Variants in CHID1 observed in about 807,000 individuals in gnomAD.
The protein encoded by CHID1 is chitinase domain containing 1.
In CHID1, 44 loss-of-function variants were observed where a neutral mutation model predicts 55.4. The ratio of observed to expected loss-of-function variants is 0.79; its 90% CI spans 0.62 to 1.02. CHID1 has a LOEUF of 1.02. Ranked by LOEUF, CHID1 falls within the 50% of genes least tolerant of loss-of-function variation. CHID1 has a pLI of 0.00. For synonymous variants in CHID1, 216 were observed against 212.9 expected (o/e 1.01, Z -0.13); for missense variants, 491 against 515.3 (o/e 0.95, Z 0.46).
chr11:896,903 AG>A (rs1851360438), intron 7 of CHID1, among the ~76,000 whole-genome samples: 5 of 78,098 alleles, frequency 6.4e-5, no homozygotes, highest in African/African-American at 2.6e-4. Context: ...CAGCACCCCC[AG>A]CCTCCACCCC....
intron 8 of CHID1, 36 bp downstream of exon 8, chr11:893,391 C>A (rs1284401068): frequency 6.6e-7 from 1 of 1,525,922 alleles, no homozygotes; most frequent in Admixed American, 2.0e-5. Flanking sequence ...CCAGAGCCCT[C>A]CACAGCCACC....
intron 1 of CHID1, among the ~76,000 whole-genome samples, chr11:906,573 C>T (rs1852231394): frequency 6.6e-6 from 1 of 152,090 alleles, no homozygotes; most frequent in Admixed American, 6.6e-5. Context: ...CTGGCTCTCC[C>T]AGATGCTGGA....
chr11:904,566 C>G, intron 2 of CHID1, 140 bp downstream of exon 2: 1 of 912,136 alleles, frequency 1.1e-6, no homozygotes. Context: ...CACCCACCGG[C>G]TGCGGGCTCA....
chr11:882,102 G>A (rs549909994), intron 10 of CHID1, among the ~76,000 whole-genome samples: 81 of 152,224 alleles, frequency 5.3e-4, no homozygotes, highest in Admixed American at 5.2e-4. Context: ...CAAGGTGGGC[G>A]GATCATGAGG....
Position 869,739 on chromosome 11 carries a change from G to T in CHID1, c.*119C>A. The T allele has an allele frequency of 1.1e-6, 1 of 879,858 alleles. No homozygotes were observed. The highest frequency in any genetic ancestry group is 1.5e-5 in the South Asian group (1 of 67,200). 54.5% of individuals were successfully genotyped at this position (879,858 alleles called of 1,614,324 possible). A position where few individuals can be genotyped will look rare whatever the true frequency, so the allele number is the denominator to read the frequency against. ...GAGTCACATGGTGCCCAGGACCCCC[G>T]ACTGAGGACTGCAGCAGACCCGTCA... On this transcript the variant is annotated 3_prime_UTR_variant, in exon 13 of 13. Coordinates refer to ENST00000323578, the MANE Select transcript of CHID1 (RefSeq NM_023947.4).
At chr11:887,711 C>CCG (rs1483504747) in intron 8 of CHID1, among the ~76,000 whole-genome samples, 1 of 152,204 alleles carries the variant, frequency 6.6e-6, no homozygotes, top group Non-Finnish European at 1.5e-5. Context: ...TCCAAGCACC[C>CCG]CGTCCCGCTT....
intron 1 of CHID1, among the ~76,000 whole-genome samples, chr11:906,637 A>T (rs1852237746): frequency 6.6e-6 from 1 of 152,218 alleles, no homozygotes; most frequent in African/African-American, 2.4e-5. Flanking sequence ...AGACGCTACA[A>T]GACAGAACTT....
rs3934523 is a variant in CHID1, at chr11:902,220, C to T, written c.372G>A (p.Thr124=). The T allele has an allele frequency of 1.7e-5, 28 of 1,613,938 alleles. No individual in the cohort carries two copies. The highest frequency in any genetic ancestry group is 1.5e-4 in the African/African-American group (11 of 75,010). The change falls in exon 4 of 13, where the codon ACG becomes ACA. Residue 124 remains threonine (T), a synonymous_variant. Coordinates refer to ENST00000323578, the MANE Select transcript of CHID1 (RefSeq NM_023947.4). Reference sequence around the variant, plus strand: ...AACCTTGGTCCACGTCGTGGAGGCCCGTGACCTCAAACATCTCACGGCCAC... The same window carrying T: ...AACCTTGGTCCACGTCGTGGAGGCCTGTGACCTCAAACATCTCACGGCCAC... ...KRRGREMFEV[T]GLHDVDQGWM...
chr11:904,724 T>C lies in CHID1; in HGVS notation c.93A>G (p.Ser31=), dbSNP rs1385162922. The C allele has an allele frequency of 1.2e-6, 2 of 1,614,014 alleles. No homozygotes were observed. The highest frequency in any genetic ancestry group is 1.1e-5 in the South Asian group (1 of 91,094). ...LSKSDAKKAA[S]KTLLEKSQFS... ...CCCTTACCTTCTCCAGCAGCGTCTT[T>C]GAGGCGGCTTTTTTGGCATCTGACT... Residue 31 remains serine (S), a synonymous_variant, in exon 2 of 13, where the codon TCA becomes TCG. Transcript: ENST00000323578.
At chr11:905,422 C>T (rs1246371386) in intron 1 of CHID1, among the ~76,000 whole-genome samples, 2 of 152,218 alleles carry the variant, frequency 1.3e-5, no homozygotes, top group Non-Finnish European at 2.9e-5. Flanking sequence ...AATCCCAACA[C>T]TTAATGGGAG....
At chr11:902,677 T>G (rs1851907225) in intron 3 of CHID1, among the ~76,000 whole-genome samples, 2 of 150,526 alleles carry the variant, frequency 1.3e-5, no homozygotes, top group African/African-American at 4.9e-5. Flanking sequence ...CAGGGTTGGC[T>G]CTGCACATCC....
intron 10 of CHID1, among the ~76,000 whole-genome samples, chr11:876,222 A>T (rs1266341031): frequency 6.6e-6 from 1 of 152,154 alleles, no homozygotes; most frequent in Non-Finnish European, 1.5e-5. Context: ...ACAGATAGGG[A>T]GGACCCACAG....
At chr11:873,380 G>A (rs573177065) in intron 10 of CHID1, among the ~76,000 whole-genome samples, 1 of 152,274 alleles carries the variant, frequency 6.6e-6, no homozygotes, top group African/African-American at 2.4e-5. Context: ...AGCATGGCTG[G>A]TGTGATGGAC....
Position 902,045 on chromosome 11 carries a change from A to C in CHID1, c.394+153T>G, listed in dbSNP as rs527241105. ...TCATCAGTCTCACACTTACACACTCACATTCACACTTAAATCACGCAGAGA... is the reference window on the plus strand; with the variant it reads ...TCATCAGTCTCACACTTACACACTCCCATTCACACTTAAATCACGCAGAGA... On this transcript the variant is annotated intron_variant, in intron 4 of 12. Transcript: ENST00000323578. The C allele has an allele frequency of 9.1e-6, 7 of 771,940 alleles. No individual in the cohort carries two copies. The Admixed American group carries it at 1.7e-4, about 19-fold the overall frequency. The allele number at this position is 771,940 out of a possible 1,614,324, so 47.8% of individuals were successfully genotyped here. A position where few individuals can be genotyped will look rare whatever the true frequency, so the allele number is the denominator to read the frequency against.
intron 8 of CHID1, among the ~76,000 whole-genome samples, chr11:886,190 T>C (rs1015983907): frequency 3.5e-5 from 5 of 141,856 alleles, no homozygotes; most frequent in African/African-American, 1.3e-4. Context: ...CGGGGTGTGA[T>C]GGCTCACACC....
Position 875,259 on chromosome 11 carries a change from C to T in CHID1, c.960-4760G>A, listed in dbSNP as rs1181846137. Among the ~76,000 whole-genome samples, 1 of 152,262 alleles carries T rather than the reference C, an allele frequency of 6.6e-6. No homozygotes were observed. The highest frequency in any genetic ancestry group is 1.5e-5 in the Non-Finnish European group (1 of 68,040). On this transcript the variant is annotated intron_variant, in intron 10 of 12. Coordinates refer to ENST00000323578, the MANE Select transcript of CHID1 (RefSeq NM_023947.4). The surrounding 1 kb of genome is among the most constrained non-coding windows in gnomAD (Gnocchi z 4.7). ...TTGCCTCTCAGAGCTTGAGTTCAAC[C>T]AGACAGCCCTCCTCGGTGGGTGGCC...
chr11:910,793 G>A lies in CHID1; in HGVS notation c.-62C>T, dbSNP rs368780722. The A allele has an allele frequency of 3.7e-5, 42 of 1,120,044 alleles. No homozygotes were observed. In the South Asian group the frequency reaches 6.1e-4, roughly 16 times the overall value. The allele number at this position is 1,120,044 out of a possible 1,614,324, so 69.4% of individuals were successfully genotyped here. A position where few individuals can be genotyped will look rare whatever the true frequency, so the allele number is the denominator to read the frequency against. On this transcript the variant is annotated 5_prime_UTR_variant, in exon 1 of 13. Transcript: ENST00000323578. ...GGCTCACCTGCATGTCAGGGAGGCCGGACGGCCACAAACGCACGGCCGGAA... is the reference window on the plus strand; with the variant it reads ...GGCTCACCTGCATGTCAGGGAGGCCAGACGGCCACAAACGCACGGCCGGAA...
Position 883,299 on chromosome 11 carries a change from C to G in CHID1, c.808G>C (p.Gly270Arg). The G allele has an allele frequency of 1.2e-6, 2 of 1,610,218 alleles. No homozygotes were observed. Among genetic ancestry groups the G allele is most frequent in the Non-Finnish European group, 1.7e-6 (2 of 1,177,058 alleles). Residue 270 changes from glycine (G) to arginine (R), a missense_variant, in exon 10 of 13, where the codon GGC (glycine) becomes CGC (arginine). Transcript: ENST00000323578. ...TYDYSTAHQPGPNAPLSWVRA... is the reference protein window; with the variant it reads ...TYDYSTAHQPRPNAPLSWVRA... ...ACCCAGGACAGGGGTGCATTAGGGC[C>G]AGGCCTGCAGGGCAAGGGGTGAGCG...
chr11:898,913 G>A (rs527967493), intron 7 of CHID1, among the ~76,000 whole-genome samples: 4 of 152,290 alleles, frequency 2.6e-5, no homozygotes, highest in African/African-American at 7.2e-5. Flanking sequence ...TCCACACCAC[G>A]GGTCCTGGCC....
Sources: gnomAD v4.1 joint callset for allele counts (sites outside exome capture counted in the v4.1 genomes callset) on GRCh38, gnomAD v4.1.1 for gene constraint, Gnocchi (gnomAD v3.1) non-coding constraint, MANE v1.5 for transcripts, NCBI Gene and HGNC (gene_info 2026-07-23, HGNC 2026-07-21) for gene names.